The following ALKBH8 variants were observed in gnomAD, a reference collection of about 807,000 sequenced individuals.
ALKBH8 encodes the protein alkB homolog 8, tRNA methyltransferase.
ALKBH8 carries 36 observed loss-of-function variants against 59.8 expected under a neutral mutation model. The observed-to-expected ratio is 0.60, with a 90% CI of 0.46 to 0.79. The LOEUF is 0.79. Ranked by LOEUF, ALKBH8 falls within the 30% of genes least tolerant of loss-of-function variation. The pLI, the probability that ALKBH8 is intolerant of heterozygous loss-of-function variation, is 0.00. For missense variants in ALKBH8, 768 were observed against 801.0 expected (o/e 0.96, Z 0.50); for synonymous variants, 276 against 273.6 (o/e 1.01, Z -0.09).
chr11:107,540,234 A>C (rs1444122943), intron 7 of ALKBH8, among the ~76,000 whole-genome samples: 6 of 152,212 alleles, frequency 3.9e-5, no homozygotes, highest in Non-Finnish European at 8.8e-5. Flanking sequence ...AAAAAGTTAA[A>C]AAGAAAACAC....
In ALKBH8 at chr11:107,525,569, G is replaced by C. The variant is rs1863317261; in HGVS notation, c.902C>G (p.Thr301Ser). 1 of 1,441,658 alleles carries C rather than the reference G, an allele frequency of 6.9e-7. No individual in the cohort carries two copies. Among genetic ancestry groups the C allele is most frequent in the African/African-American group, 1.5e-5 (1 of 67,354 alleles). 89.3% of individuals were successfully genotyped at this position (1,441,658 alleles called of 1,614,324 possible). The change falls in exon 9 of 12, where the codon ACT becomes AGT. Residue 301 changes from threonine (T) to serine (S), a missense_variant. Physicochemically the swap from Thr to Ser is moderately conservative, Grantham distance 58 (BLOSUM62 1). Coordinates refer to ENST00000428149, the MANE Select transcript of ALKBH8 (RefSeq NM_138775.3). Reference sequence around the variant, plus strand: ...TTTAAGACTCTCAGATGCTTGAACAGTATCAAATTTTCTGCACGTGATTCT... The same window carrying C: ...TTTAAGACTCTCAGATGCTTGAACACTATCAAATTTTCTGCACGTGATTCT... ...THGITCRKFD[T>S]VQASESLKSG...
At chr11:107,528,513 T>C (rs923358290) in intron 8 of ALKBH8, among the ~76,000 whole-genome samples, 1 of 152,194 alleles carries the variant, frequency 6.6e-6, no homozygotes, top group Middle Eastern at 3.2e-3. Flanking sequence ...TGATTAAAAC[T>C]ATGGTAGTGA....
At chr11:107,563,579 C>T (rs1401908881) in intron 1 of ALKBH8, 1 of 152,104 alleles carries the variant, frequency 6.6e-6, no homozygotes, top group African/African-American at 2.4e-5. Context: ...ATCAAAATGG[C>T]TTAACAAAAC....
chr11:107,556,891 G>A lies in ALKBH8; in HGVS notation c.242C>T (p.Pro81Leu), dbSNP rs781749764. ...AGTTCTGTATCTTGCAAATGAGTAC[G>A]GCTTGTTAGGTGGCATTAAGAGAGC... ...VDALLMPPNK[P>L]YSFARYRTTE... is the part of the protein sequence containing the mutation. Residue 81 changes from proline (P) to leucine (L), a missense_variant, in exon 3 of 12, where the codon CCG becomes CTG. By Grantham distance (98) the Pro-to-Leu change is moderately conservative. Coordinates refer to ENST00000428149, the MANE Select transcript of ALKBH8 (RefSeq NM_138775.3). 22 of 1,611,034 alleles carry A rather than the reference G, an allele frequency of 1.4e-5. No individual in the cohort carries two copies. Among genetic ancestry groups the A allele is most frequent in the Non-Finnish European group, 1.8e-5 (21 of 1,178,592 alleles).
intron 11 of ALKBH8, among the ~76,000 whole-genome samples, chr11:107,505,868 T>A (rs896986422): frequency 2.0e-5 from 3 of 152,138 alleles, no homozygotes; most frequent in African/African-American, 7.2e-5. Context: ...CCTGAACAGA[T>A]AGGGCTCAGA....
At chr11:107,550,528 G>A (rs1221209740) in intron 6 of ALKBH8, among the ~76,000 whole-genome samples, 2 of 152,202 alleles carry the variant, frequency 1.3e-5, no homozygotes, top group African/African-American at 2.4e-5. Context: ...GCGTCTTTAA[G>A]AGTGGCCCCG....
chr11:107,546,592 T>G (rs185348534), intron 7 of ALKBH8, among the ~76,000 whole-genome samples: 305 of 152,292 alleles, frequency 2.0e-3, no homozygotes, highest in Middle Eastern at 0.014. Flanking sequence ...AGCCAACAAG[T>G]TAAAACTTTT....
chr11:107,533,419 T>A (rs888595603), intron 7 of ALKBH8, among the ~76,000 whole-genome samples: 7 of 152,094 alleles, frequency 4.6e-5, no homozygotes, highest in African/African-American at 1.7e-4. Flanking sequence ...TTGGATCAAA[T>A]GAGATAATAC....
At chr11:107,523,939 A>G (rs1223610756) in intron 9 of ALKBH8, among the ~76,000 whole-genome samples, 2 of 152,142 alleles carry the variant, frequency 1.3e-5, no homozygotes, top group Non-Finnish European at 2.9e-5. Context: ...ACAAAAAAGT[A>G]TAAGTATGTG....
At chr11:107,541,429 C>G (rs1212534555) in intron 7 of ALKBH8, among the ~76,000 whole-genome samples, 5 of 152,138 alleles carry the variant, frequency 3.3e-5, no homozygotes, top group African/African-American at 9.7e-5. Context: ...TACAAACATC[C>G]CAGGATCTGA....
At chr11:107,532,470 G>C in intron 7 of ALKBH8, 64 bp from the exon 8 acceptor site, 6 of 1,258,874 alleles carry the variant, frequency 4.8e-6, no homozygotes, top group Non-Finnish European at 6.9e-6. Flanking sequence ...GGATAAGAAT[G>C]ATTAATAGAG....
chr11:107,560,234 G>A (rs1453134593), intron 2 of ALKBH8, among the ~76,000 whole-genome samples: 2 of 152,062 alleles, frequency 1.3e-5, no homozygotes, highest in Non-Finnish European at 2.9e-5. Flanking sequence ...ATTGTCCGCA[G>A]ATAATGAAAA....
intron 1 of ALKBH8, among the ~76,000 whole-genome samples, chr11:107,561,684 C>A (rs1864944832): frequency 6.6e-6 from 1 of 152,104 alleles, no homozygotes; most frequent in South Asian, 2.1e-4. Context: ...ATTTTGTTCA[C>A]AAAATGTAAC....
intron 3 of ALKBH8, among the ~76,000 whole-genome samples, chr11:107,556,375 T>A (rs1335919085): frequency 6.6e-6 from 1 of 152,190 alleles, no homozygotes; most frequent in Non-Finnish European, 1.5e-5. Flanking sequence ...TGGTACATGA[T>A]CATTTGGATC....
At chr11:107,543,108 G>T (rs972445393) in intron 7 of ALKBH8, among the ~76,000 whole-genome samples, 1 of 152,150 alleles carries the variant, frequency 6.6e-6, no homozygotes, top group African/African-American at 2.4e-5. Context: ...ATAGGCCAAG[G>T]CGGGTGGATC....
chr11:107,532,321 G>A lies in ALKBH8; in HGVS notation c.857C>T (p.Ser286Phe). ...ATACCCATGGGTCCAAAGGTATCTA[G>A]ATTCTCCTGTCATCACCAGCAAACT... The part of the protein sequence containing the change: ...RRSLLVMTGE[S>F]RYLWTHGITC... The change falls in exon 8 of 12, where the codon TCT becomes TTT. Residue 286 changes from serine (S) to phenylalanine (F), a missense_variant. Physicochemically the swap from Ser to Phe is radical, Grantham distance 155. Coordinates refer to ENST00000428149, the MANE Select transcript of ALKBH8 (RefSeq NM_138775.3). 8 of 1,613,348 alleles carry A rather than the reference G, an allele frequency of 5.0e-6. No homozygotes were observed. The highest frequency in any genetic ancestry group is 5.9e-6 in the Non-Finnish European group (7 of 1,179,490).
intron 3 of ALKBH8, among the ~76,000 whole-genome samples, chr11:107,556,397 T>G (rs1213286758): frequency 6.6e-6 from 1 of 152,254 alleles, no homozygotes; most frequent in Non-Finnish European, 1.5e-5. Context: ...CGATTCATTC[T>G]TAAGTGATTA....
intron 7 of ALKBH8, among the ~76,000 whole-genome samples, chr11:107,542,447 T>C (rs765176584): frequency 1.8e-4 from 27 of 152,296 alleles, no homozygotes; most frequent in Admixed American, 7.2e-4. Context: ...ATGATGGATA[T>C]GTTCATTATC....
In ALKBH8 at chr11:107,539,010, C is replaced by T. The variant is rs138766153; in HGVS notation, c.772-6604G>A. On this transcript the variant is annotated intron_variant, in intron 7 of 11. Coordinates refer to ENST00000428149, the MANE Select transcript of ALKBH8 (RefSeq NM_138775.3). ...TGAAAGTTCACCTGTTTCCCACAGT[C>T]TACCAAACAGAAATATTCTATAGTT... Among the ~76,000 whole-genome samples the T allele has an allele frequency of 2.1e-3, 325 of 152,324 alleles. 2 individuals are homozygous for T. Among genetic ancestry groups the T allele is most frequent in the African/African-American group, 7.5e-3 (313 of 41,578 alleles).
Sources: gnomAD v4.1 joint callset for allele counts (sites outside exome capture counted in the v4.1 genomes callset) on GRCh38, gnomAD v4.1.1 for gene constraint, MANE v1.5 for transcripts, NCBI Gene and HGNC (gene_info 2026-07-23, HGNC 2026-07-21) for gene names.